Variants in COPG2 observed in about 807,000 individuals in gnomAD.
COPG2 encodes the protein coat protein complex I subunit gamma 2.
COPG2 carries 37 observed loss-of-function variants against 46.3 expected under a neutral mutation model. The observed-to-expected ratio is 0.80, with a 90% CI of 0.61 to 1.05. The LOEUF (loss-of-function observed/expected upper bound fraction) is 1.05, where lower values mean the gene tolerates loss of function less well. Among genes scored for constraint, COPG2 ranks in the 50% least tolerant of loss-of-function variants. COPG2 has a pLI of 0.00. For synonymous variants in COPG2, 159 were observed against 129.7 expected, an observed-to-expected ratio of 1.23 and a Z score of -1.53; for missense variants, 427 against 387.8, an observed-to-expected ratio of 1.10 and a Z score of -0.85.
At chr7:130,532,483 GCAC>G (rs1799837366) in intron 20 of COPG2, among the ~76,000 whole-genome samples, 1 of 152,082 alleles carries the variant, frequency 6.6e-6, no homozygotes, top group Non-Finnish European at 1.5e-5. Context: ...ACTGACAGGA[GCAC>G]CCAGGTGGAG....
At chr7:130,508,400 A>T in intron 21 of COPG2, 162 bp downstream of exon 21, 1 of 571,174 alleles carries the variant, frequency 1.8e-6, no homozygotes, top group Non-Finnish European at 3.1e-6. Flanking sequence ...GTCCAGTTAC[A>T]GAGGAGGGTT....
At chr7:130,630,732 T>C (rs1795212748) in intron 5 of COPG2, among the ~76,000 whole-genome samples, 1 of 152,260 alleles carries the variant, frequency 6.6e-6, no homozygotes, top group African/African-American at 2.4e-5. Flanking sequence ...TTATTTATTC[T>C]GGAGTCTACA....
intron 20 of COPG2, among the ~76,000 whole-genome samples, chr7:130,536,595 C>T (rs1799881881): frequency 6.6e-6 from 1 of 152,102 alleles, no homozygotes; most frequent in Non-Finnish European, 1.5e-5. Context: ...CTGGTGGACG[C>T]GGGAGGATGG....
rs1793710960 is a variant in COPG2 at position 130,561,047 on chromosome 7, A to C, written c.1114T>G (p.Ser372Ala). 1 of 398,578 alleles carries C rather than the reference A, an allele frequency of 2.5e-6. No individual in the cohort carries two copies. Among genetic ancestry groups the C allele is most frequent in the Non-Finnish European group, 4.4e-6 (1 of 226,044 alleles). The allele number at this position is 398,578 out of a possible 1,614,324, so 24.7% of individuals were successfully genotyped here. The change falls in exon 12 of 24, where the codon TCA becomes GCA. Residue 372 changes from serine to alanine, a missense_variant. By Grantham distance (99) the Ser-to-Ala change is moderately conservative. Transcript: ENST00000425248. ...TAAACTCTTACCTTGAACTCATCTG[A>C]GATTTCAGACACAAAAGAAGATATC... Reference protein sequence around the residue: ...KQISSFVSEISDEFKVVVVQA... With the variant: ...KQISSFVSEIADEFKVVVVQA...
intron 9 of COPG2, chr7:130,604,842 C>T: frequency 2.3e-6 from 1 of 439,756 alleles, no homozygotes; most frequent in South Asian, 1.8e-5. Flanking sequence ...ATGTTCCCTT[C>T]CAGTCCTGGT....
intron 3 of COPG2, among the ~76,000 whole-genome samples, chr7:130,665,243 T>G (rs1049964374): frequency 2.0e-5 from 3 of 152,178 alleles, no homozygotes; most frequent in Non-Finnish European, 2.9e-5. Flanking sequence ...AAAACTTTAT[T>G]AAATCTCTGA....
chr7:130,566,023 A>G (rs1293338792), intron 9 of COPG2, among the ~76,000 whole-genome samples: 1 of 152,246 alleles, frequency 6.6e-6, no homozygotes, highest in Admixed American at 6.5e-5. Context: ...GAAAAAGAAC[A>G]TAAGAAGAAA....
At chr7:130,612,370 A>C (rs1304760700) in intron 7 of COPG2, 132 bp from the exon 8 acceptor site, 1 of 607,608 alleles carries the variant, frequency 1.6e-6, no homozygotes, top group Non-Finnish European at 2.8e-6. Flanking sequence ...TTATAAGTCT[A>C]TTTTGTGTCT....
In COPG2 at chr7:130,613,573, C is replaced by A; in HGVS notation, c.463G>T (p.Val155Leu). The A allele has an allele frequency of 6.3e-7, 1 of 1,599,690 alleles. No homozygotes were observed. The highest frequency in any genetic ancestry group is 1.7e-5 in the Admixed American group (1 of 58,740). ...KQAIVDKVSS[V>L]SSSALVSSLH... ...GAAGATACCAGTGCTGAACTGGATA[C>A]ACTGGAAACTTTATCCACAATGGCC... Residue 155 changes from valine (V) to leucine (L), a missense_variant, in exon 7 of 24, where the codon GTA (valine) becomes TTA (leucine). Transcript: ENST00000425248.
chr7:130,508,513 T>G (rs1231626842), intron 21 of COPG2, 49 bp downstream of exon 21: 1 of 730,418 alleles, frequency 1.4e-6, no homozygotes, highest in Non-Finnish European at 2.5e-6. Context: ...CAGAAGTCAC[T>G]TAGTGTTGTG....
intron 5 of COPG2, among the ~76,000 whole-genome samples, chr7:130,642,920 G>A (rs1795520441): frequency 6.6e-6 from 1 of 152,062 alleles, no homozygotes; most frequent in South Asian, 2.1e-4. Flanking sequence ...CTACTTGGAA[G>A]GCTTAAGCCT....
At chr7:130,590,454 C>T (rs1295657816) in intron 9 of COPG2, among the ~76,000 whole-genome samples, 35 of 152,330 alleles carry the variant, frequency 2.3e-4, no homozygotes, top group African/African-American at 8.2e-4. Flanking sequence ...GACGGGGTTT[C>T]GCTGTGTTGG....
intron 9 of COPG2, among the ~76,000 whole-genome samples, chr7:130,588,957 A>C (rs1326664516): frequency 4.6e-5 from 7 of 152,138 alleles, no homozygotes; most frequent in Admixed American, 2.0e-4. Flanking sequence ...ACACATATAC[A>C]CACAAGGAGA....
chr7:130,511,056 A>C (rs1243773204), intron 20 of COPG2: 1 of 497,058 alleles, frequency 2.0e-6, no homozygotes, highest in Non-Finnish European at 4.0e-6. Flanking sequence ...GTATGAAAAG[A>C]ACCCAGCGAA....
chr7:130,654,640 G>A (rs929058192), intron 4 of COPG2, among the ~76,000 whole-genome samples: 29 of 152,120 alleles, frequency 1.9e-4, no homozygotes, highest in African/African-American at 6.5e-4. Context: ...TTTCCCATGA[G>A]TAGGGAAAAC....
chr7:130,533,129 T>G (rs1439708708), intron 20 of COPG2, among the ~76,000 whole-genome samples: 1 of 151,886 alleles, frequency 6.6e-6, no homozygotes, highest in Admixed American at 6.6e-5. Context: ...CCGAGCAGCT[T>G]AGAGAGGTGA....
intron 20 of COPG2, among the ~76,000 whole-genome samples, chr7:130,544,193 G>GTGGA (rs1170726154): frequency 2.0e-5 from 3 of 152,302 alleles, no homozygotes; most frequent in Non-Finnish European, 2.9e-5. Flanking sequence ...CAGTGGGTGA[G>GTGGA]TGGAGGTGAG....
At chr7:130,658,107 A>G (rs1337805138) in intron 4 of COPG2, among the ~76,000 whole-genome samples, 3 of 152,250 alleles carry the variant, frequency 2.0e-5, no homozygotes, top group African/African-American at 7.2e-5. Flanking sequence ...GTTTATAGCA[A>G]TGTTGTTTAT....
At chr7:130,620,162 T>G (rs1554453416) in intron 5 of COPG2, among the ~76,000 whole-genome samples, 10 of 152,290 alleles carry the variant, frequency 6.6e-5, no homozygotes, top group African/African-American at 2.4e-4. Context: ...TGTCAAAAGT[T>G]TTGCCCTCTC....
Sources: allele counts gnomAD v4.1 joint callset (sites outside exome capture counted in the v4.1 genomes callset), GRCh38; gene constraint gnomAD v4.1.1; transcripts MANE v1.5; gene names NCBI Gene and HGNC (gene_info 2026-07-23, HGNC 2026-07-21).